IL1RAPL1: variants seen among roughly 807,000 people sequenced by gnomAD.
IL1RAPL1 encodes the protein interleukin-1 receptor accessory protein-like 1.
A neutral mutation model predicts 48.4 loss-of-function variants in IL1RAPL1; 3 were observed. That is an observed-to-expected ratio of 0.06 (90% CI 0.03 to 0.16). The LOEUF (loss-of-function observed/expected upper bound fraction) is 0.16, where lower values mean the gene tolerates loss of function less well. Among genes scored for constraint, IL1RAPL1 ranks in the 10% least tolerant of loss-of-function variants. The pLI is 1.00. For synonymous variants in IL1RAPL1, 185 were observed against 187.7 expected (o/e 0.99, Z 0.12); for missense variants, 349 against 530.6 (o/e 0.66, Z 3.36).
intron 2 of IL1RAPL1, among the ~76,000 whole-genome samples, chrX:28,820,472 C>G (rs1462488909): frequency 1.8e-5 from 2 of 111,289 alleles, no homozygotes; most frequent in African/African-American, 6.5e-5. Flanking sequence ...TGGTGCAATG[C>G]TGGTTTACAC....
intron 5 of IL1RAPL1, among the ~76,000 whole-genome samples, chrX:29,665,308 G>A (rs951281672): frequency 2.7e-5 from 3 of 112,619 alleles, no homozygotes; most frequent in Non-Finnish European, 5.6e-5. Flanking sequence ...TAAAAAGCCA[G>A]TTGGCTTAGT....
At chrX:29,673,834 G>A (rs143480664) in intron 6 of IL1RAPL1, among the ~76,000 whole-genome samples, 12,647 of 111,665 alleles carry the variant, frequency 0.11, 679 homozygotes, top group Middle Eastern at 0.22. Context: ...CTCTTAGTCT[G>A]TCTTGCTTTT....
chrX:29,086,261 A>G (rs1927949875), intron 2 of IL1RAPL1, among the ~76,000 whole-genome samples: 1 of 112,409 alleles, frequency 8.9e-6, no homozygotes, highest in African/African-American at 3.2e-5. Flanking sequence ...TAGTCTGAAT[A>G]ACTTCTCATG....
chrX:28,894,819 A>G (rs1404989584), intron 2 of IL1RAPL1, among the ~76,000 whole-genome samples: 2 of 111,398 alleles, frequency 1.8e-5, no homozygotes, highest in African/African-American at 3.3e-5. Flanking sequence ...AACCATGCCT[A>G]GGAAAGAAAG....
chrX:29,256,482 C>T (rs1245150283), intron 2 of IL1RAPL1, among the ~76,000 whole-genome samples: 1 of 111,508 alleles, frequency 9.0e-6, no homozygotes, highest in Non-Finnish European at 1.9e-5. Flanking sequence ...CAATGCAGGA[C>T]TCAACATAAG....
intron 3 of IL1RAPL1, among the ~76,000 whole-genome samples, chrX:29,350,616 GCACAC>G (rs1175817320): frequency 0.059 from 1 of 17 alleles, no homozygotes; most frequent in Non-Finnish European, 0.14. Flanking sequence ...GTGCATGCGT[GCACAC>G]CACACACACA....
intron 1 of IL1RAPL1, among the ~76,000 whole-genome samples, chrX:28,695,429 A>G (rs1211219190): frequency 9.0e-6 from 1 of 111,305 alleles, no homozygotes; most frequent in Admixed American, 9.6e-5. Context: ...TTAACACCCC[A>G]TAGATCCATT....
intron 6 of IL1RAPL1, among the ~76,000 whole-genome samples, chrX:29,692,130 G>A (rs1222602262): frequency 9.0e-6 from 1 of 111,674 alleles, no homozygotes; most frequent in Non-Finnish European, 1.9e-5. Flanking sequence ...TTTGCCCACA[G>A]CCTTACCCCA....
intron 2 of IL1RAPL1, among the ~76,000 whole-genome samples, chrX:29,269,572 C>T (rs1171252467): frequency 9.1e-6 from 1 of 109,750 alleles, no homozygotes; most frequent in African/African-American, 3.3e-5. Context: ...TGCCTGAAAT[C>T]ATGCCAATGA....
At chrX:29,566,431 TA>T (rs780541611) in intron 5 of IL1RAPL1, among the ~76,000 whole-genome samples, 73 of 107,723 alleles carry the variant, frequency 6.8e-4, no homozygotes, top group East Asian at 2.6e-3. Flanking sequence ...CTCCATCTCA[TA>T]AAAAAAAAAT....
At chrX:29,662,151 T>A (rs1047444080) in intron 5 of IL1RAPL1, among the ~76,000 whole-genome samples, 4 of 112,005 alleles carry the variant, frequency 3.6e-5, no homozygotes, top group Non-Finnish European at 7.5e-5. Flanking sequence ...ATCTTTGAAT[T>A]CATTGTCACT....
intron 2 of IL1RAPL1, among the ~76,000 whole-genome samples, chrX:28,949,028 GTTATTA>G (rs907198228): frequency 3.6e-5 from 4 of 110,139 alleles, no homozygotes; most frequent in Non-Finnish European, 5.7e-5. Context: ...CTATATTATT[GTTATTA>G]TTATTATTAT....
chrX:29,283,791 C>T (rs1340432123), intron 3 of IL1RAPL1, among the ~76,000 whole-genome samples: 2 of 112,332 alleles, frequency 1.8e-5, no homozygotes, highest in Non-Finnish European at 3.8e-5. Context: ...AAGTTAATAA[C>T]AAATTCAGTT....
intron 6 of IL1RAPL1, among the ~76,000 whole-genome samples, chrX:29,672,396 C>T (rs1363558198): frequency 1.8e-5 from 2 of 111,333 alleles, no homozygotes; most frequent in Non-Finnish European, 3.8e-5. Flanking sequence ...TAACATAAAA[C>T]TCTTAAAGAT....
At chrX:29,412,371 G>A (rs1303227243) in intron 5 of IL1RAPL1, among the ~76,000 whole-genome samples, 1 of 112,045 alleles carries the variant, frequency 8.9e-6, no homozygotes, top group Non-Finnish European at 1.9e-5. Flanking sequence ...TGTGTCCACT[G>A]AGCAACTGAA....
intron 2 of IL1RAPL1, among the ~76,000 whole-genome samples, chrX:28,818,097 A>G (rs1400459712): frequency 1.8e-5 from 2 of 111,037 alleles, no homozygotes; most frequent in Non-Finnish European, 3.8e-5. Context: ...TGCTAGAGGC[A>G]TAGCTTAGGC....
chrX:29,895,613 T>C (rs1932369204), intron 6 of IL1RAPL1, among the ~76,000 whole-genome samples: 1 of 113,116 alleles, frequency 8.8e-6, no homozygotes, highest in Non-Finnish European at 1.9e-5. Context: ...TATTTAATAG[T>C]GAAGAAATGT....
chrX:28,669,778 A>G (rs1223273890), intron 1 of IL1RAPL1, among the ~76,000 whole-genome samples: 3 of 104,581 alleles, frequency 2.9e-5, no homozygotes, highest in African/African-American at 6.9e-5. Context: ...ATAATCATAT[A>G]TAAATTGTAT....
intron 5 of IL1RAPL1, among the ~76,000 whole-genome samples, chrX:29,596,964 C>T (rs904584646): frequency 9.9e-5 from 11 of 111,021 alleles, no homozygotes; most frequent in Admixed American, 8.6e-4. Context: ...TTGTTAAATG[C>T]TTTTTCTGCC....
Sources: allele counts gnomAD v4.1 joint callset (sites outside exome capture counted in the v4.1 genomes callset), GRCh38; gene constraint gnomAD v4.1.1; transcripts MANE v1.5; gene names NCBI Gene and HGNC (gene_info 2026-07-23, HGNC 2026-07-21).